MYRIP: variants seen among roughly 807,000 people sequenced by gnomAD.
MYRIP encodes rab effector MyRIP.
A neutral mutation model predicts 98.0 loss-of-function variants in MYRIP; 49 were observed. The ratio of observed to expected loss-of-function variants is 0.50; its 90% CI spans 0.40 to 0.63. MYRIP has a LOEUF of 0.63. Among genes scored for constraint, MYRIP ranks in the 30% least tolerant of loss-of-function variants. MYRIP has a pLI of 0.00. For synonymous variants in MYRIP, 404 were observed against 409.5 expected (o/e 0.99, Z 0.16); for missense variants, 1,004 against 1,058.2 (o/e 0.95, Z 0.71).
intron 2 of MYRIP, among the ~76,000 whole-genome samples, chr3:39,960,886 G>A (rs950763862): frequency 2.1e-4 from 32 of 152,062 alleles, no homozygotes; most frequent in African/African-American, 6.0e-4. Context: ...TCTGAAAATC[G>A]ATACCTCCCC....
chr3:39,828,184 TTTC>T (rs1453503955), intron 1 of MYRIP, among the ~76,000 whole-genome samples: 2 of 152,102 alleles, frequency 1.3e-5, no homozygotes, highest in Non-Finnish European at 2.9e-5. Flanking sequence ...TTTCTACATG[TTTC>T]TTCTTCTCTT....
intron 2 of MYRIP, among the ~76,000 whole-genome samples, chr3:40,023,769 G>A (rs894754021): frequency 2.0e-5 from 3 of 152,180 alleles, no homozygotes; most frequent in African/African-American, 7.2e-5. Context: ...GGGAGTGGAA[G>A]AAAGAGGCTT....
intron 1 of MYRIP, among the ~76,000 whole-genome samples, chr3:39,845,827 T>C (rs1941946089): frequency 7.5e-6 from 1 of 134,046 alleles, no homozygotes; most frequent in South Asian, 2.4e-4. Context: ...CAGCACTAGG[T>C]CCATTACAAA....
intron 3 of MYRIP, among the ~76,000 whole-genome samples, chr3:40,138,372 G>A (rs529040350): frequency 1.3e-3 from 203 of 152,248 alleles, no homozygotes; most frequent in African/African-American, 4.2e-3. Flanking sequence ...CCATTTTGTG[G>A]ATGAGAAAAC....
At chr3:40,028,520 C>G (rs1947186528) in intron 2 of MYRIP, among the ~76,000 whole-genome samples, 1 of 152,136 alleles carries the variant, frequency 6.6e-6, no homozygotes, top group Admixed American at 6.5e-5. Context: ...CTAGTATTTG[C>G]TTTTGTAGCT....
At chr3:40,039,627 G>C (rs192925095) in intron 2 of MYRIP, among the ~76,000 whole-genome samples, 2 of 152,194 alleles carry the variant, frequency 1.3e-5, no homozygotes, top group Non-Finnish European at 2.9e-5. Context: ...ACCAGGGATG[G>C]TTCTTTCAGG....
chr3:39,854,237 G>T (rs557009288), intron 1 of MYRIP, among the ~76,000 whole-genome samples: 16 of 152,142 alleles, frequency 1.1e-4, no homozygotes, highest in African/African-American at 3.4e-4. Flanking sequence ...CCCTCAAAAA[G>T]TTTTCCAAAC....
intron 11 of MYRIP, among the ~76,000 whole-genome samples, chr3:40,217,167 C>T (rs889703722): frequency 1.3e-5 from 2 of 152,068 alleles, no homozygotes; most frequent in East Asian, 1.9e-4. Context: ...ACAATAAAAT[C>T]CATCAAACGT....
intron 2 of MYRIP, among the ~76,000 whole-genome samples, chr3:40,000,823 T>G (rs1575453997): frequency 6.6e-6 from 1 of 152,320 alleles, no homozygotes; most frequent in South Asian, 2.1e-4. Context: ...CTGTGAGGTT[T>G]AATAGATAGA....
Position 40,072,664 on chromosome 3 carries a change from T to C in MYRIP, c.332+28393T>C, listed in dbSNP as rs148530741. 9.2e-3 allele frequency among the ~76,000 whole-genome samples: 1,405 copies of C among 152,342 alleles called. 21 individuals carry two copies. Among genetic ancestry groups the C allele is most frequent in the African/African-American group, 0.032 (1,347 of 41,580 alleles). On this transcript the variant is annotated intron_variant, in intron 3 of 16. Coordinates refer to ENST00000302541, the MANE Select transcript of MYRIP (RefSeq NM_015460.4). ...GTTATTTAGCAGTGTGTTTTTAAAC[T>C]TTCCAAGCATGTGGAGATGTCTTGG... is the stretch of plus-strand genomic sequence containing the variant.
intron 2 of MYRIP, among the ~76,000 whole-genome samples, chr3:40,032,343 A>G (rs1233187891): frequency 1.3e-5 from 2 of 152,018 alleles, no homozygotes; most frequent in Admixed American, 1.3e-4. Context: ...GTTTTGAGTG[A>G]GTTTCTTAAT....
chr3:40,234,954 T>C (rs890643450), intron 12 of MYRIP, among the ~76,000 whole-genome samples: 3 of 150,302 alleles, frequency 2.0e-5, no homozygotes, highest in African/African-American at 4.9e-5. Context: ...GGTGGTGCCA[T>C]TGCACTCCAG....
At chr3:40,223,495 T>C (rs1179403836) in intron 11 of MYRIP, among the ~76,000 whole-genome samples, 1 of 152,226 alleles carries the variant, frequency 6.6e-6, no homozygotes, top group East Asian at 1.9e-4. Context: ...AGCTTTTTAA[T>C]AAATAGTGTT....
chr3:40,205,883 C>CCTTA (rs1951779930), intron 10 of MYRIP, among the ~76,000 whole-genome samples: 1 of 152,050 alleles, frequency 6.6e-6, no homozygotes, highest in Admixed American at 6.6e-5. Flanking sequence ...ACACAAACCT[C>CCTTA]CTTACTGCTC....
intron 3 of MYRIP, among the ~76,000 whole-genome samples, chr3:40,139,992 G>A (rs901338194): frequency 3.9e-5 from 6 of 152,166 alleles, no homozygotes; most frequent in African/African-American, 1.4e-4. Flanking sequence ...TGGCTGTTAT[G>A]AATAAAATTG....
intron 1 of MYRIP, among the ~76,000 whole-genome samples, chr3:39,854,236 A>C (rs2125609820): frequency 1.3e-5 from 2 of 152,280 alleles, no homozygotes; most frequent in South Asian, 2.1e-4. Flanking sequence ...TCCCTCAAAA[A>C]GTTTTCCAAA....
At chr3:39,994,417 A>T (rs1352617090) in intron 2 of MYRIP, among the ~76,000 whole-genome samples, 1 of 152,252 alleles carries the variant, frequency 6.6e-6, no homozygotes, top group Admixed American at 6.5e-5. Context: ...GGAGGGTCCT[A>T]TGCCCACGGA....
chr3:40,207,869 T>C (rs1951826613), intron 10 of MYRIP, among the ~76,000 whole-genome samples: 1 of 152,174 alleles, frequency 6.6e-6, no homozygotes, highest in South Asian at 2.1e-4. Flanking sequence ...ATTTCACCAT[T>C]ATTGTTAGAA....
chr3:40,115,815 T>C (rs988248134), intron 3 of MYRIP, among the ~76,000 whole-genome samples: 2 of 151,638 alleles, frequency 1.3e-5, no homozygotes, highest in Non-Finnish European at 2.9e-5. Flanking sequence ...TTTTATGTGA[T>C]GCTCTTTGTT....
Sources: allele counts gnomAD v4.1 joint callset (sites outside exome capture counted in the v4.1 genomes callset), GRCh38; gene constraint gnomAD v4.1.1; transcripts MANE v1.5; gene names NCBI Gene and HGNC (gene_info 2026-07-23, HGNC 2026-07-21).